Variants in GALNT17 observed in about 807,000 individuals in gnomAD.
GALNT17 encodes the protein UDP-GalNAc:polypeptide N-acetylgalactosaminyltransferase-like 3.
Under a neutral mutation model 63.7 loss-of-function variants are expected in GALNT17, and 29 were observed. That is an observed-to-expected ratio of 0.46 (90% CI 0.34 to 0.62). The LOEUF (loss-of-function observed/expected upper bound fraction) is 0.62, where lower values mean the gene tolerates loss of function less well. Ranked by LOEUF, GALNT17 falls within the 20% of genes least tolerant of loss-of-function variation. The pLI is 0.01. For synonymous variants in GALNT17, 305 were observed against 318.3 expected, an observed-to-expected ratio of 0.96 and a Z score of 0.45; for missense variants, 603 against 799.6, an observed-to-expected ratio of 0.75 and a Z score of 2.97.
chr7:71,161,100 C>T (rs1317482394), intron 1 of GALNT17, among the ~76,000 whole-genome samples: 3 of 152,140 alleles, frequency 2.0e-5, no homozygotes, highest in Non-Finnish European at 4.4e-5. Context: ...ATTGGGATTA[C>T]AGGTGTGAGC....
At chr7:71,491,333 C>A (rs1788003679) in intron 5 of GALNT17, among the ~76,000 whole-genome samples, 1 of 152,148 alleles carries the variant, frequency 6.6e-6, no homozygotes, top group African/African-American at 2.4e-5. Context: ...GTGGTGGTAC[C>A]AGCAGCCTTC....
At chr7:71,631,501 T>G (rs1395004946) in intron 6 of GALNT17, among the ~76,000 whole-genome samples, 1 of 152,116 alleles carries the variant, frequency 6.6e-6, no homozygotes, top group Non-Finnish European at 1.5e-5. Flanking sequence ...GTAGTAAATC[T>G]GAATGAAGTA....
chr7:71,424,984 A>T (rs1053017215), intron 5 of GALNT17, among the ~76,000 whole-genome samples: 2 of 152,052 alleles, frequency 1.3e-5, no homozygotes, highest in African/African-American at 4.8e-5. Flanking sequence ...GTTTCTTTCT[A>T]TATATTAATA....
At chr7:71,639,474 C>G (rs1790574016) in intron 6 of GALNT17, among the ~76,000 whole-genome samples, 2 of 152,132 alleles carry the variant, frequency 1.3e-5, no homozygotes, top group African/African-American at 2.4e-5. Flanking sequence ...TCCTCTTTGG[C>G]TGGTGTCTCT....
intron 1 of GALNT17, among the ~76,000 whole-genome samples, chr7:71,241,994 G>A (rs1472920343): frequency 6.6e-6 from 1 of 152,142 alleles, no homozygotes; most frequent in African/African-American, 2.4e-5. Context: ...TCTGCTTGTG[G>A]TGAGGACCTC....
chr7:71,193,862 C>T (rs767497046), intron 1 of GALNT17, among the ~76,000 whole-genome samples: 18 of 152,064 alleles, frequency 1.2e-4, no homozygotes, highest in Non-Finnish European at 2.2e-4. Context: ...GTGTTGTGGT[C>T]CACGTGCAGT....
chr7:71,665,926 T>C (rs584631), intron 7 of GALNT17, among the ~76,000 whole-genome samples: 146,687 of 152,178 alleles, frequency 0.96, 70,788 homozygotes, highest in East Asian at 1. Context: ...CACAGCAGAC[T>C]CTTCATCCTG....
At chr7:71,310,051 G>A (rs1791388858) in intron 1 of GALNT17, among the ~76,000 whole-genome samples, 1 of 152,142 alleles carries the variant, frequency 6.6e-6, no homozygotes. Flanking sequence ...CTCTCTCTTT[G>A]CCTGCCGCCA....
chr7:71,636,388 G>C (rs532000153), intron 6 of GALNT17, among the ~76,000 whole-genome samples: 1 of 152,128 alleles, frequency 6.6e-6, no homozygotes, highest in Non-Finnish European at 1.5e-5. Context: ...AGGCTCCCAA[G>C]GAAGGAGGAT....
intron 6 of GALNT17, among the ~76,000 whole-genome samples, chr7:71,599,087 T>TCA (rs907640007): frequency 2.7e-5 from 4 of 150,880 alleles, no homozygotes; most frequent in Non-Finnish European, 5.9e-5. Context: ...AGGCTGAGAG[T>TCA]GGTGAGGTTG....
intron 1 of GALNT17, among the ~76,000 whole-genome samples, chr7:71,147,767 G>A (rs966565427): frequency 1.3e-5 from 2 of 152,048 alleles, no homozygotes; most frequent in Non-Finnish European, 2.9e-5. Flanking sequence ...GGGTAGCTGG[G>A]ACTACAAGAG....
intron 1 of GALNT17, among the ~76,000 whole-genome samples, chr7:71,257,282 A>G (rs1277569604): frequency 6.6e-6 from 1 of 152,194 alleles, no homozygotes. Context: ...AAGGAATGAT[A>G]AAAAGTAATT....
At position 71,687,889 on chromosome 7, in the gene GALNT17, G is replaced by A. The variant is rs536433013; in HGVS notation, c.1500+10583G>A. Among the ~76,000 whole-genome samples, 7 of 152,052 alleles carry A rather than the reference G, an allele frequency of 4.6e-5. No individual in the cohort carries two copies. The South Asian group carries it at 1.5e-3, about 32-fold the overall frequency. ...TTTTTTGTGTTATTTGTACAGATGG[G>A]GTCTTGCTGTGTTGCCCAAGCTGGT... is the stretch of plus-strand genomic sequence containing the variant. On this transcript the variant is annotated intron_variant, in intron 9 of 10. Coordinates refer to ENST00000333538, the MANE Select transcript of GALNT17 (RefSeq NM_022479.3).
At chr7:71,563,829 T>C (rs1050841695) in intron 5 of GALNT17, among the ~76,000 whole-genome samples, 1 of 152,128 alleles carries the variant, frequency 6.6e-6, no homozygotes, top group Non-Finnish European at 1.5e-5. Context: ...CCTCCCACCT[T>C]GACCTCTTTA....
At chr7:71,236,753 C>T (rs1460363712) in intron 1 of GALNT17, among the ~76,000 whole-genome samples, 1 of 152,168 alleles carries the variant, frequency 6.6e-6, no homozygotes, top group African/African-American at 2.4e-5. Flanking sequence ...TGCCCTTGAC[C>T]TCCCTCGCAG....
chr7:71,132,628 C>A lies in GALNT17; in HGVS notation c.-175C>A. 1.7e-6 allele frequency: 1 copy of A among 588,168 alleles called. No homozygotes were observed. The highest frequency in any genetic ancestry group is 3.0e-6 in the Non-Finnish European group (1 of 336,764). 36.4% of individuals were successfully genotyped at this position (588,168 alleles called of 1,614,324 possible). ...TGAGCGATTCCGTTCTCCCCACCAC[C>A]AATCCGACCTCCCAGCCGTCTCCGC... On this transcript the variant is annotated 5_prime_UTR_variant, in exon 1 of 11. Coordinates refer to ENST00000333538, the MANE Select transcript of GALNT17 (RefSeq NM_022479.3).
chr7:71,493,788 C>T (rs4719128), intron 5 of GALNT17, among the ~76,000 whole-genome samples: 66,844 of 152,002 alleles, frequency 0.44, 16,032 homozygotes, highest in Non-Finnish European at 0.55. Context: ...CATCCTTCTC[C>T]TCATCATCCC....
At chr7:71,540,144 T>C (rs900755303) in intron 5 of GALNT17, among the ~76,000 whole-genome samples, 1 of 119,340 alleles carries the variant, frequency 8.4e-6, no homozygotes, top group Non-Finnish European at 1.7e-5. Flanking sequence ...AGTCTCTCTA[T>C]GTCCTCCAGG....
At chr7:71,235,717 TTAGTC>T (rs1325448127) in intron 1 of GALNT17, among the ~76,000 whole-genome samples, 1 of 152,148 alleles carries the variant, frequency 6.6e-6, no homozygotes, top group Non-Finnish European at 1.5e-5. Flanking sequence ...AAACTTCTAT[TTAGTC>T]TAGCCTGTGG....
Sources: gnomAD v4.1 joint callset for allele counts (sites outside exome capture counted in the v4.1 genomes callset) on GRCh38, gnomAD v4.1.1 for gene constraint, MANE v1.5 for transcripts, NCBI Gene and HGNC (gene_info 2026-07-23, HGNC 2026-07-21) for gene names.